The following ROBO2 variants were observed in gnomAD, a reference collection of about 807,000 sequenced individuals.
ROBO2 encodes roundabout homolog 2.
A neutral mutation model predicts 160.8 loss-of-function variants in ROBO2; 53 were observed. That is an observed-to-expected ratio of 0.33 (90% CI 0.26 to 0.41). The LOEUF (loss-of-function observed/expected upper bound fraction) is 0.41, where lower values mean the gene tolerates loss of function less well. Among genes scored for constraint, ROBO2 ranks in the 10% least tolerant of loss-of-function variants. The probability of loss-of-function intolerance (pLI) is 1.00; values close to 1 mark genes in which losing one functional copy is unlikely to be tolerated. For missense variants in ROBO2, 1,577 were observed against 1,722.4 expected, an observed-to-expected ratio of 0.92 and a Z score of 1.49; for synonymous variants, 664 against 611.7, an observed-to-expected ratio of 1.09 and a Z score of -1.26.
intron 2 of ROBO2, among the ~76,000 whole-genome samples, chr3:76,854,816 G>A (rs987050612): frequency 3.3e-5 from 5 of 151,888 alleles, no homozygotes; most frequent in African/African-American, 1.2e-4. Context: ...ATAAACTAAA[G>A]AGAAAAAAAT....
At chr3:76,869,788 G>C (rs2071830246) in intron 2 of ROBO2, among the ~76,000 whole-genome samples, 1 of 152,162 alleles carries the variant, frequency 6.6e-6, no homozygotes, top group East Asian at 1.9e-4. Context: ...ATTGCCACTT[G>C]TTTGGTCTAT....
chr3:76,837,765 TA>T (rs1246554651), intron 2 of ROBO2, among the ~76,000 whole-genome samples: 25 of 152,092 alleles, frequency 1.6e-4, no homozygotes, highest in African/African-American at 6.0e-4. Flanking sequence ...AACCACAGTA[TA>T]GTTATGAAAT....
intron 2 of ROBO2, among the ~76,000 whole-genome samples, chr3:76,008,247 AAAAAAAAG>A (rs1231456450): frequency 4.6e-5 from 7 of 151,312 alleles, no homozygotes; most frequent in African/African-American, 1.7e-4. Context: ...AAAAAAAAAA[AAAAAAAAG>A]AAAAGAAAAA....
At chr3:76,272,682 T>C (rs1707513103) in intron 2 of ROBO2, among the ~76,000 whole-genome samples, 1 of 95,462 alleles carries the variant, frequency 1.0e-5, no homozygotes, top group South Asian at 3.2e-4. Flanking sequence ...CACATATAAA[T>C]ATATATATAT....
At chr3:77,052,073 A>G (rs2065279920) in intron 1 of ROBO2, among the ~76,000 whole-genome samples, 1 of 152,150 alleles carries the variant, frequency 6.6e-6, no homozygotes, top group Admixed American at 6.5e-5. Flanking sequence ...TGAGCAGATG[A>G]CATGCCTTCT....
intron 2 of ROBO2, among the ~76,000 whole-genome samples, chr3:77,295,341 A>C (rs1281412886): frequency 1.3e-5 from 2 of 148,656 alleles, no homozygotes; most frequent in African/African-American, 2.5e-5. Flanking sequence ...CTAGATCACC[A>C]AAGACATAAA....
At chr3:77,620,622 T>C (rs1387124360) in intron 22 of ROBO2, among the ~76,000 whole-genome samples, 2 of 152,332 alleles carry the variant, frequency 1.3e-5, no homozygotes, top group Admixed American at 1.3e-4. Context: ...CTGTTAAAGA[T>C]TGAAGATTGG....
intron 2 of ROBO2, among the ~76,000 whole-genome samples, chr3:76,518,743 TA>T (rs1187140200): frequency 6.6e-6 from 1 of 152,192 alleles, no homozygotes; most frequent in Non-Finnish European, 1.5e-5. Context: ...TCTTTGAATT[TA>T]AAAAGATCCA....
intron 2 of ROBO2, among the ~76,000 whole-genome samples, chr3:76,060,011 C>T (rs1387967322): frequency 2.6e-5 from 4 of 152,066 alleles, no homozygotes; most frequent in Admixed American, 1.3e-4. Flanking sequence ...TGGTCTATAT[C>T]TCTGTTTTGG....
intron 2 of ROBO2, among the ~76,000 whole-genome samples, chr3:76,510,401 T>A (rs2081026046): frequency 6.6e-6 from 1 of 152,050 alleles, no homozygotes; most frequent in African/African-American, 2.4e-5. Context: ...ACTGTTGAAG[T>A]TCTATGCTGA....
chr3:76,656,855 T>G (rs1047792596), intron 2 of ROBO2, among the ~76,000 whole-genome samples: 3 of 152,144 alleles, frequency 2.0e-5, no homozygotes, highest in African/African-American at 7.2e-5. Flanking sequence ...ATTGCTTGAT[T>G]CTCATTTTAT....
chr3:76,037,311 G>A (rs2067142432), intron 2 of ROBO2, among the ~76,000 whole-genome samples: 1 of 146,226 alleles, frequency 6.8e-6, no homozygotes, highest in South Asian at 2.1e-4. Flanking sequence ...AGGCTGGAGT[G>A]CAGTGGCGCG....
chr3:77,155,263 G>C (rs2077903081), intron 2 of ROBO2, among the ~76,000 whole-genome samples: 1 of 151,902 alleles, frequency 6.6e-6, no homozygotes, highest in East Asian at 1.9e-4. Flanking sequence ...TTAGCAGATG[G>C]AATTAAAGTT....
intron 2 of ROBO2, among the ~76,000 whole-genome samples, chr3:76,034,328 C>T (rs1465252080): frequency 6.6e-6 from 1 of 152,112 alleles, no homozygotes; most frequent in African/African-American, 2.4e-5. Flanking sequence ...TTGATATAAT[C>T]TCCTTCTCCT....
intron 2 of ROBO2, among the ~76,000 whole-genome samples, chr3:77,351,044 T>C (rs541118017): frequency 6.6e-6 from 1 of 152,336 alleles, no homozygotes; most frequent in East Asian, 1.9e-4. Context: ...TCTTGAATAA[T>C]AGTTAACAAA....
At chr3:76,482,883 G>T (rs1468169257) in intron 2 of ROBO2, among the ~76,000 whole-genome samples, 1 of 152,126 alleles carries the variant, frequency 6.6e-6, no homozygotes, top group Non-Finnish European at 1.5e-5. Flanking sequence ...TTGCAAAATT[G>T]GGTTAGCTGG....
intron 2 of ROBO2, among the ~76,000 whole-genome samples, chr3:77,445,311 G>A (rs367805457): frequency 1.1e-4 from 16 of 152,152 alleles, no homozygotes; most frequent in East Asian, 5.8e-4. Context: ...CTTAAAACCA[G>A]TCAAATGAGT....
intron 2 of ROBO2, among the ~76,000 whole-genome samples, chr3:76,653,574 C>G (rs553290312): frequency 1.3e-5 from 2 of 151,838 alleles, no homozygotes; most frequent in Admixed American, 6.6e-5. Flanking sequence ...TCTTACTATC[C>G]TGCTTTTTTT....
chr3:77,384,187 G>A (rs2073862460), intron 2 of ROBO2, among the ~76,000 whole-genome samples: 1 of 152,110 alleles, frequency 6.6e-6, no homozygotes, highest in African/African-American at 2.4e-5. Context: ...TTATTTCCCA[G>A]AATGCTAAAA....
Sources: allele counts gnomAD v4.1 joint callset (sites outside exome capture counted in the v4.1 genomes callset), GRCh38; gene constraint gnomAD v4.1.1; transcripts MANE v1.5; gene names NCBI Gene and HGNC (gene_info 2026-07-23, HGNC 2026-07-21).